Variants in SLIT2 observed in about 807,000 individuals in gnomAD.
The protein encoded by SLIT2 is slit guidance ligand 2.
In SLIT2, 41 loss-of-function variants were observed where a neutral mutation model predicts 185.7. The observed-to-expected ratio is 0.22, with a 90% CI of 0.17 to 0.29. The LOEUF (loss-of-function observed/expected upper bound fraction) is 0.29, where lower values mean the gene tolerates loss of function less well. Ranked by LOEUF, SLIT2 falls within the 10% of genes least tolerant of loss-of-function variation. SLIT2 has a pLI of 1.00. For missense variants in SLIT2, 1,571 were observed against 1,909.0 expected (o/e 0.82, Z 3.30); for synonymous variants, 693 against 680.2 (o/e 1.02, Z -0.29).
chr4:20,443,872 C>T (rs1410941676), intron 4 of SLIT2, among the ~76,000 whole-genome samples: 1 of 152,108 alleles, frequency 6.6e-6, no homozygotes, highest in Admixed American at 6.6e-5. Flanking sequence ...GCGTAAGAAC[C>T]AGGAGACACA....
chr4:20,453,519 A>G (rs1015621083), intron 4 of SLIT2, among the ~76,000 whole-genome samples: 1 of 152,200 alleles, frequency 6.6e-6, no homozygotes, highest in African/African-American at 2.4e-5. Flanking sequence ...AATATCTCAT[A>G]TAATTTTCCC....
intron 4 of SLIT2, among the ~76,000 whole-genome samples, chr4:20,288,007 G>T (rs1301369101): frequency 6.6e-6 from 1 of 152,120 alleles, no homozygotes; most frequent in African/African-American, 2.4e-5. Context: ...CAAAATTTCA[G>T]TAACATGGTA....
intron 5 of SLIT2, among the ~76,000 whole-genome samples, chr4:20,474,691 A>G (rs1420552160): frequency 1.3e-5 from 2 of 151,976 alleles, no homozygotes; most frequent in Non-Finnish European, 1.5e-5. Flanking sequence ...AACACTGAAC[A>G]GTACACTTTC....
At chr4:20,307,531 A>T (rs1009169186) in intron 4 of SLIT2, among the ~76,000 whole-genome samples, 5 of 151,922 alleles carry the variant, frequency 3.3e-5, no homozygotes, top group African/African-American at 1.2e-4. Flanking sequence ...AAGTATTGGG[A>T]TTATAGGCAT....
intron 5 of SLIT2, among the ~76,000 whole-genome samples, chr4:20,472,580 C>CTAGATATATCGA (rs1553908837): frequency 9.6e-5 from 1 of 10,386 alleles, no homozygotes; most frequent in African/African-American, 7.5e-4. Flanking sequence ...ATAGATATAT[C>CTAGATATATCGA]TATATATAGA....
intron 4 of SLIT2, among the ~76,000 whole-genome samples, chr4:20,404,164 T>A (rs1726580458): frequency 6.6e-6 from 1 of 151,982 alleles, no homozygotes. Context: ...AAGAATGAAG[T>A]CTGATGATAC....
chr4:20,388,787 A>AT lies in SLIT2; in HGVS notation c.396-78965_396-78964insT, dbSNP rs1185880563. 7.8e-3 allele frequency among the ~76,000 whole-genome samples: 1,075 copies of AT among 138,172 alleles called. 8 individuals carry two copies. The highest frequency in any genetic ancestry group is 0.01 in the Non-Finnish European group (661 of 63,254). 90.6% of individuals were successfully genotyped at this position (138,172 alleles called of 152,430 possible). A position where few individuals can be genotyped will look rare whatever the true frequency, so the allele number is the denominator to read the frequency against. On this transcript the variant is annotated intron_variant, in intron 4 of 36. Coordinates refer to ENST00000504154, the MANE Select transcript of SLIT2 (RefSeq NM_004787.4). ...AGACTCCGTCTCAGGGGAAAAAAAA[A>AT]AAAAAATATATATATATATAACATA... is the stretch of plus-strand genomic sequence containing the variant.
At position 20,434,862 on chromosome 4, in the gene SLIT2, G is replaced by A. The variant is rs377081124; in HGVS notation, c.396-32890G>A. Among the ~76,000 whole-genome samples the A allele has an allele frequency of 5.9e-5, 9 of 152,270 alleles. No homozygotes were observed. In the East Asian group the frequency reaches 9.7e-4, roughly 16 times the overall value. ...GCAAAGAAATGTATGAAAGCAAGGT[G>A]CATGTCAAAGTTATCTAAATTCCAA... On this transcript the variant is annotated intron_variant, in intron 4 of 36. Transcript: ENST00000504154.
chr4:20,523,071 A>G lies in SLIT2; in HGVS notation c.1131-689A>G, dbSNP rs756123339. On this transcript the variant is annotated intron_variant, in intron 12 of 36. Coordinates refer to ENST00000504154, the MANE Select transcript of SLIT2 (RefSeq NM_004787.4). ...CATGTATTAAGGAGAGGGGTGCGGG[A>G]GGCTGGATTGAGAAGGCAGTATTAG... Among the ~76,000 whole-genome samples, 7 of 152,272 alleles carry G rather than the reference A, an allele frequency of 4.6e-5. No individual in the cohort carries two copies. In the East Asian group the frequency reaches 9.7e-4, roughly 21 times the overall value.
intron 4 of SLIT2, among the ~76,000 whole-genome samples, chr4:20,318,716 C>T (rs1482426945): frequency 6.6e-6 from 1 of 151,958 alleles, no homozygotes; most frequent in East Asian, 1.9e-4. Context: ...TTGAATGTTT[C>T]CTGCATAAAG....
chr4:20,441,985 T>TA (rs894240124), intron 4 of SLIT2, among the ~76,000 whole-genome samples: 1 of 152,070 alleles, frequency 6.6e-6, no homozygotes, highest in African/African-American at 2.4e-5. Context: ...GTAGCTACAA[T>TA]AAAAAACATT....
At chr4:20,456,964 T>C (rs574527509) in intron 4 of SLIT2, among the ~76,000 whole-genome samples, 1 of 152,036 alleles carries the variant, frequency 6.6e-6, no homozygotes, top group African/African-American at 2.4e-5. Context: ...TGAAAAAAAA[T>C]ATCTCTACCC....
At chr4:20,427,670 C>CT (rs909558402) in intron 4 of SLIT2, among the ~76,000 whole-genome samples, 5,932 of 126,690 alleles carry the variant, frequency 0.047, 266 homozygotes, top group African/African-American at 0.13. Context: ...AATTTGCATT[C>CT]TTTTTTTTTT....
intron 4 of SLIT2, among the ~76,000 whole-genome samples, chr4:20,368,219 C>CAAAAAA (rs71653879): frequency 3.7e-5 from 4 of 107,404 alleles, no homozygotes; most frequent in East Asian, 2.6e-4. Flanking sequence ...CACAAAATAG[C>CAAAAAA]AAAAAAAAAA....
intron 4 of SLIT2, among the ~76,000 whole-genome samples, chr4:20,415,854 A>G (rs1463217106): frequency 2.6e-5 from 4 of 152,310 alleles, no homozygotes; most frequent in African/African-American, 9.6e-5. Context: ...TTTTTGTTAT[A>G]TTATCAAAGA....
intron 8 of SLIT2, among the ~76,000 whole-genome samples, chr4:20,489,665 T>C (rs1305487157): frequency 1.3e-5 from 2 of 152,172 alleles, no homozygotes; most frequent in Admixed American, 6.5e-5. Flanking sequence ...ATGCCTGTAA[T>C]TCTAGCTACT....
intron 5 of SLIT2, among the ~76,000 whole-genome samples, chr4:20,474,820 A>G (rs2148766922): frequency 6.6e-6 from 1 of 152,038 alleles, no homozygotes; most frequent in East Asian, 1.9e-4. Context: ...TTTATTATCT[A>G]TTACTACAGG....
At chr4:20,485,318 T>G (rs1483600882) in intron 6 of SLIT2, among the ~76,000 whole-genome samples, 1 of 152,184 alleles carries the variant, frequency 6.6e-6, no homozygotes, top group East Asian at 1.9e-4. Context: ...TATGCCTGAT[T>G]TATTTTTATA....
At chr4:20,605,113 C>T (rs1042989534) in intron 33 of SLIT2, among the ~76,000 whole-genome samples, 19 of 152,132 alleles carry the variant, frequency 1.2e-4, no homozygotes, top group African/African-American at 3.4e-4. Context: ...GAATTACAGG[C>T]GTGAGCCACC....
Sources: allele counts gnomAD v4.1 joint callset (sites outside exome capture counted in the v4.1 genomes callset), GRCh38; gene constraint gnomAD v4.1.1; transcripts MANE v1.5; gene names NCBI Gene and HGNC (gene_info 2026-07-23, HGNC 2026-07-21).